NMS: variants seen among roughly 807,000 people sequenced by gnomAD.
The protein encoded by NMS is neuromedin S.
A neutral mutation model predicts 32.2 loss-of-function variants in NMS; 30 were observed. That is an observed-to-expected ratio of 0.93 (90% CI 0.70 to 1.26). The LOEUF is 1.26. NMS is among the 50% of genes most tolerant of loss of function. The pLI, the probability that NMS is intolerant of heterozygous loss-of-function variation, is 0.00. For synonymous variants in NMS, 76 were observed against 58.5 expected (o/e 1.30, Z -1.37); for missense variants, 190 against 186.3 (o/e 1.02, Z -0.12).
rs568902643 is a variant in NMS, at chr2:100,473,819, C to T, written c.183+280C>T. Among the ~76,000 whole-genome samples, 16 of 152,026 alleles carry T rather than the reference C, an allele frequency of 1.1e-4. No individual in the cohort carries two copies. The South Asian group carries it at 3.3e-3, about 32-fold the overall frequency. On this transcript the variant is annotated intron_variant, in intron 3 of 9. Coordinates refer to ENST00000376865, the MANE Select transcript of NMS (RefSeq NM_001011717.1). ...GCTAATTATATGTTATGATATATTG[C>T]ATATTACAAATTGATATACCATGAT...
chr2:100,482,267 T>A lies in NMS; in HGVS notation c.415-10T>A. On this transcript the variant is annotated splice_polypyrimidine_tract_variant and intron_variant, in intron 8 of 9. Coordinates refer to ENST00000376865, the MANE Select transcript of NMS (RefSeq NM_001011717.1). The stretch of plus-strand genomic sequence containing the variant: ...TCTCAGTATTCATAAGTTGCTCCTT[T>A]TTTTTTCAGCCCAGGAATGGAAGAA... The A allele has an allele frequency of 6.2e-7, 1 of 1,613,898 alleles. No homozygotes were observed. The highest frequency in any genetic ancestry group is 8.5e-7 in the Non-Finnish European group (1 of 1,179,804).
intron 8 of NMS, among the ~76,000 whole-genome samples, chr2:100,482,029 G>C (rs568594391): frequency 6.6e-4 from 100 of 152,180 alleles, no homozygotes; most frequent in Admixed American, 5.0e-3. Flanking sequence ...AAAGACTAAA[G>C]GGGGGGGATG....
chr2:100,473,502 G>T lies in NMS; in HGVS notation c.146G>T (p.Cys49Phe). ...DIVQLEQLAY[C>F]LSQWAPLSRQ... ...TTTATTTTTTAGCAGCTGGCATATTGTCTGAGTCAGTGGGCACCTCTTTCT... is the reference window on the plus strand; with the variant it reads ...TTTATTTTTTAGCAGCTGGCATATTTTCTGAGTCAGTGGGCACCTCTTTCT... The change falls in exon 3 of 10, where the codon TGT becomes TTT. Residue 49 changes from cysteine (C) to phenylalanine (F), a missense_variant. By Grantham distance (205) the Cys-to-Phe change is radical. Coordinates refer to ENST00000376865, the MANE Select transcript of NMS (RefSeq NM_001011717.1). 1 of 1,484,012 alleles carries T rather than the reference G, an allele frequency of 6.7e-7. No individual in the cohort carries two copies. Among genetic ancestry groups the T allele is most frequent in the South Asian group, 1.5e-5 (1 of 66,810 alleles). 91.9% of individuals were successfully genotyped at this position (1,484,012 alleles called of 1,614,324 possible).
At chr2:100,482,775 G>T (rs1178577802) in intron 9 of NMS, among the ~76,000 whole-genome samples, 1 of 152,178 alleles carries the variant, frequency 6.6e-6, no homozygotes, top group South Asian at 2.1e-4. Context: ...CCTTCCAATG[G>T]TGCTCTGAGA....
At chr2:100,481,048 A>G in intron 7 of NMS, 78 bp from the exon 8 acceptor site, 1 of 1,474,694 alleles carries the variant, frequency 6.8e-7, no homozygotes, top group Non-Finnish European at 9.5e-7. Context: ...CCATTTTGAA[A>G]ACTGTTCCTA....
At chr2:100,470,758 A>G (rs992173886) in intron 1 of NMS, among the ~76,000 whole-genome samples, 194 bp downstream of exon 1, 3 of 152,346 alleles carry the variant, frequency 2.0e-5, no homozygotes, top group East Asian at 3.9e-4. Context: ...CTTTTACTAA[A>G]GGAGACTTTT....
intron 1 of NMS, among the ~76,000 whole-genome samples, chr2:100,471,147 T>C (rs1356777421): frequency 6.6e-6 from 1 of 152,144 alleles, no homozygotes; most frequent in Non-Finnish European, 1.5e-5. Context: ...CTCTGAGAAC[T>C]AGCTTCTAGG....
Position 100,473,522 on chromosome 2 carries a change from C to T in NMS, c.166C>T (p.Leu56Phe). The T allele has an allele frequency of 6.8e-7, 1 of 1,470,144 alleles. No individual in the cohort carries two copies. Among genetic ancestry groups the T allele is most frequent in the Non-Finnish European group, 9.1e-7 (1 of 1,098,284 alleles). The allele number at this position is 1,470,144 out of a possible 1,614,324, so 91.1% of individuals were successfully genotyped here. The change falls in exon 3 of 10, where the codon CTT becomes TTT. Residue 56 changes from leucine to phenylalanine, a missense_variant. Coordinates refer to ENST00000376865, the MANE Select transcript of NMS (RefSeq NM_001011717.1). Reference sequence around the variant, plus strand: ...ATATTGTCTGAGTCAGTGGGCACCTCTTTCTCGCCAACCTAAGGTAAAAAA... The same window carrying T: ...ATATTGTCTGAGTCAGTGGGCACCTTTTTCTCGCCAACCTAAGGTAAAAAA... Reference protein sequence around the residue: ...LAYCLSQWAPLSRQPKDNQDI... With the variant: ...LAYCLSQWAPFSRQPKDNQDI...
At chr2:100,472,221 A>G (rs1024354736) in intron 1 of NMS, among the ~76,000 whole-genome samples, 1 of 152,002 alleles carries the variant, frequency 6.6e-6, no homozygotes, top group Non-Finnish European at 1.5e-5. Context: ...TTTCGACTGC[A>G]CTATAGCTAT....
chr2:100,474,860 A>G (rs1311394966), intron 3 of NMS, among the ~76,000 whole-genome samples: 1 of 152,210 alleles, frequency 6.6e-6, no homozygotes, highest in Admixed American at 6.5e-5. Context: ...TTCAAGAATA[A>G]TCTTTACAGC....
intron 1 of NMS, among the ~76,000 whole-genome samples, chr2:100,472,268 GA>G (rs1328544369): frequency 1.7e-4 from 25 of 150,308 alleles, no homozygotes; most frequent in African/African-American, 5.9e-4. Context: ...GTGAGAAGAG[GA>G]GTTCATTGAA....
chr2:100,476,642 T>A (rs1213674329), intron 3 of NMS, among the ~76,000 whole-genome samples: 1 of 152,062 alleles, frequency 6.6e-6, no homozygotes, highest in Non-Finnish European at 1.5e-5. Flanking sequence ...TGTGACTTTA[T>A]AAAACATGGA....
intron 5 of NMS, among the ~76,000 whole-genome samples, chr2:100,478,360 AG>A (rs1315665362): frequency 1.3e-5 from 2 of 152,256 alleles, no homozygotes; most frequent in East Asian, 3.8e-4. Flanking sequence ...AAGTCTTAAG[AG>A]GATCCTTAAA....
Position 100,473,534 on chromosome 2 carries a change from C to A in NMS, c.178C>A (p.Pro60Thr), listed in dbSNP as rs776719466. The A allele has an allele frequency of 1.4e-6, 2 of 1,428,662 alleles. No individual in the cohort carries two copies. Among genetic ancestry groups the A allele is most frequent in the East Asian group, 2.5e-5 (1 of 39,688 alleles). 88.5% of individuals were successfully genotyped at this position (1,428,662 alleles called of 1,614,324 possible). ...LSQWAPLSRQ[P>T]KDNQDIYKRF... ...TCAGTGGGCACCTCTTTCTCGCCAACCTAAGGTAAAAAAATGTGTATATAT... is the reference window on the plus strand; with the variant it reads ...TCAGTGGGCACCTCTTTCTCGCCAAACTAAGGTAAAAAAATGTGTATATAT... Residue 60 changes from proline to threonine, a missense_variant, in exon 3 of 10, where the codon CCT (proline) becomes ACT (threonine). By Grantham distance (38) the Pro-to-Thr change is conservative. Coordinates refer to ENST00000376865, the MANE Select transcript of NMS (RefSeq NM_001011717.1).
At chr2:100,480,741 G>C (rs539660640) in intron 7 of NMS, among the ~76,000 whole-genome samples, 1 of 152,282 alleles carries the variant, frequency 6.6e-6, no homozygotes, top group Admixed American at 6.5e-5. Context: ...GCCTCTGGCT[G>C]TTCATATTTC....
intron 6 of NMS, 89 bp from the exon 7 acceptor site, chr2:100,480,407 C>T: frequency 4.4e-6 from 6 of 1,351,026 alleles, no homozygotes; most frequent in Non-Finnish European, 6.3e-6. Context: ...ATCTTAGAAG[C>T]AAGGCAGGGA....
In NMS at chr2:100,473,548, A is replaced by G. The variant is rs762998677; in HGVS notation, c.183+9A>G. The stretch of plus-strand genomic sequence containing the variant: ...TTTCTCGCCAACCTAAGGTAAAAAA[A>G]TGTGTATATATATAATATATATAAA... On this transcript the variant is annotated intron_variant, in intron 3 of 9. Transcript: ENST00000376865. 1 of 1,188,318 alleles carries G rather than the reference A, an allele frequency of 8.4e-7. No individual in the cohort carries two copies. The highest frequency in any genetic ancestry group is 1.2e-6 in the Non-Finnish European group (1 of 865,736). 73.6% of individuals were successfully genotyped at this position (1,188,318 alleles called of 1,614,324 possible).
At position 100,470,620 on chromosome 2, in the gene NMS, A is replaced by G. The variant is rs577352628; in HGVS notation, c.76+56A>G. Reference sequence around the variant, plus strand: ...CCTAAACTCTGAGGATGTCTGAGACAGACCTTGATCCCCCAGGGCAGCTCT... The same window carrying G: ...CCTAAACTCTGAGGATGTCTGAGACGGACCTTGATCCCCCAGGGCAGCTCT... On this transcript the variant is annotated intron_variant, in intron 1 of 9. Coordinates refer to ENST00000376865, the MANE Select transcript of NMS (RefSeq NM_001011717.1). The G allele has an allele frequency of 9.0e-5, 124 of 1,382,124 alleles. No individual in the cohort carries two copies. In the East Asian group the frequency reaches 2.7e-3, roughly 30 times the overall value. 85.6% of individuals were successfully genotyped at this position (1,382,124 alleles called of 1,614,324 possible). A position where few individuals can be genotyped will look rare whatever the true frequency, so the allele number is the denominator to read the frequency against.
rs200077599 is a variant in NMS at position 100,481,136 on chromosome 2, C to G, written c.383C>G (p.Ala128Gly). 8 of 1,613,936 alleles carry G rather than the reference C, an allele frequency of 5.0e-6. No individual in the cohort carries two copies. In the Admixed American group the frequency reaches 1.2e-4, roughly 24 times the overall value. Residue 128 changes from alanine to glycine, a missense_variant, in exon 8 of 10, where the codon GCG becomes GGG. Ala to Gly is a moderately conservative substitution (Grantham distance 60). Coordinates refer to ENST00000376865, the MANE Select transcript of NMS (RefSeq NM_001011717.1). ...AVDFTKKDHT[A>G]TWGRPFFLFR... ...TTCTATATGTTGCAGGATCACACTGCGACCTGGGGACGACCCTTTTTCCTT... is the reference window on the plus strand; with the variant it reads ...TTCTATATGTTGCAGGATCACACTGGGACCTGGGGACGACCCTTTTTCCTT...
Sources: allele counts gnomAD v4.1 joint callset (sites outside exome capture counted in the v4.1 genomes callset), GRCh38; gene constraint gnomAD v4.1.1; transcripts MANE v1.5; gene names NCBI Gene and HGNC (gene_info 2026-07-23, HGNC 2026-07-21).